Variants in AFF4 observed in about 807,000 individuals in gnomAD.
The protein encoded by AFF4 is AF4/FMR2 family member 4.
In AFF4, 13 loss-of-function variants were observed where a neutral mutation model predicts 124.8. The ratio of observed to expected loss-of-function variants is 0.10; its 90% confidence interval spans 0.07 to 0.17. The LOEUF (loss-of-function observed/expected upper bound fraction) is 0.17. Among genes scored for constraint, AFF4 ranks in the 10% least tolerant of loss-of-function variants. The pLI is 1.00. For synonymous variants in AFF4, 477 were observed against 496.1 expected (o/e 0.96, Z 0.51); for missense variants, 1,092 against 1,403.8 (o/e 0.78, Z 3.55).
intron 5 of AFF4, among the ~76,000 whole-genome samples, chr5:132,923,086 G>C (rs1356930397): frequency 6.6e-6 from 1 of 152,138 alleles, no homozygotes; most frequent in Non-Finnish European, 1.5e-5. Flanking sequence ...TGAGGCAGGA[G>C]AATCACTTGA....
intron 12 of AFF4, among the ~76,000 whole-genome samples, 194 bp downstream of exon 12, chr5:132,892,836 A>C (rs1279507716): frequency 1.3e-5 from 2 of 152,352 alleles, no homozygotes; most frequent in South Asian, 2.1e-4. Flanking sequence ...AGGAAGAACT[A>C]ATTAAATGTT....
chr5:132,905,340 C>G (rs1475917411), intron 5 of AFF4, among the ~76,000 whole-genome samples: 1 of 152,148 alleles, frequency 6.6e-6, no homozygotes, highest in Non-Finnish European at 1.5e-5. Context: ...CTATGCATTT[C>G]TCAAAATTAA....
At chr5:132,902,722 A>G (rs562771840) in intron 6 of AFF4, among the ~76,000 whole-genome samples, 25 of 152,348 alleles carry the variant, frequency 1.6e-4, no homozygotes, top group Admixed American at 5.2e-4. Context: ...TTGAAGGGCA[A>G]TCTGGTAATA....
chr5:132,901,060 TAAAC>T (rs1209858859), intron 7 of AFF4: 1 of 985,280 alleles, frequency 1.0e-6, no homozygotes, highest in African/African-American at 1.7e-5. Flanking sequence ...CTGGCCCAAT[TAAAC>T]AGAACAGGGA....
chr5:132,876,729 CTAAT>C lies in AFF4; in HGVS notation c.*4326_*4329del, dbSNP rs1376557650. The C allele has an allele frequency of 1.0e-5, 2 of 197,250 alleles. No individual in the cohort carries two copies. Among genetic ancestry groups the C allele is most frequent in the African/African-American group, 4.6e-5 (2 of 43,332 alleles). The allele number at this position is 197,250 out of a possible 1,614,324, so 12.2% of individuals were successfully genotyped here. On this transcript the variant is annotated 3_prime_UTR_variant, in exon 21 of 21. Coordinates refer to ENST00000265343, the MANE Select transcript of AFF4 (RefSeq NM_014423.4). Reference sequence around the variant, plus strand: ...CTTTTCTGGAGACAGCAAGTTCTTTCTAATTAACCATAGGGTTCATGTGAATAGG... The same window carrying C: ...CTTTTCTGGAGACAGCAAGTTCTTTCTAACCATAGGGTTCATGTGAATAGG...
intron 13 of AFF4, among the ~76,000 whole-genome samples, chr5:132,890,966 GAGC>G (rs1456919269): frequency 2.6e-5 from 4 of 151,578 alleles, no homozygotes; most frequent in African/African-American, 9.7e-5. Context: ...GAATCCAAAT[GAGC>G]AGGAGAGCTC....
intron 5 of AFF4, among the ~76,000 whole-genome samples, chr5:132,923,583 C>A (rs1234509923): frequency 1.3e-5 from 2 of 151,804 alleles, no homozygotes; most frequent in Admixed American, 1.3e-4. Context: ...GTAAGTCTGG[C>A]ATGGTGGTAA....
intron 4 of AFF4, among the ~76,000 whole-genome samples, chr5:132,931,925 C>CA (rs2150096460): frequency 6.6e-6 from 1 of 152,188 alleles, no homozygotes; most frequent in East Asian, 1.9e-4. Context: ...GGCTGGGCGA[C>CA]AGAGTGAGAC....
intron 1 of AFF4, among the ~76,000 whole-genome samples, chr5:132,954,039 T>C (rs942975207): frequency 2.0e-5 from 3 of 152,178 alleles, no homozygotes; most frequent in Non-Finnish European, 4.4e-5. Context: ...CCTCATCAGA[T>C]TAATCTCATA....
Position 132,896,346 on chromosome 5 carries a change from T to A in AFF4, c.2284A>T (p.Asn762Tyr). The A allele has an allele frequency of 6.3e-7, 1 of 1,596,494 alleles. No homozygotes were observed. The change falls in exon 11 of 21, where the codon AAC (asparagine) becomes TAC (tyrosine). Residue 762 changes from asparagine to tyrosine, a missense_variant. By Grantham distance (143) the Asn-to-Tyr change is moderately radical. Around this residue, in one of 11 missense-constraint regions of AFF4, gnomAD observed 293 missense variants for 280.2 expected, o/e 1.05. Transcript: ENST00000265343. ...AQKQASEKVS[N>Y]KGKRKHKNED... is the part of the protein sequence containing the mutation. ...ACCTTATGCTTCCTCTTGCCTTTGTTGGAAACTTTTTCTGAGGCTTGTTTC... is the reference window on the plus strand; with the variant it reads ...ACCTTATGCTTCCTCTTGCCTTTGTAGGAAACTTTTTCTGAGGCTTGTTTC...
At chr5:132,927,696 A>G (rs1761204846) in intron 4 of AFF4, 1 of 153,458 alleles carries the variant, frequency 6.5e-6, no homozygotes, top group Non-Finnish European at 1.5e-5. Context: ...CTGAAGCACA[A>G]AAGTTATTTA....
At chr5:132,898,144 C>T in intron 10 of AFF4, 86 bp downstream of exon 10, 1 of 1,494,364 alleles carries the variant, frequency 6.7e-7, no homozygotes, top group South Asian at 1.3e-5. Flanking sequence ...TTTCCTTCTC[C>T]TTTTATATTT....
At chr5:132,944,049 TGTGA>T (rs763185013) in intron 1 of AFF4, 3 of 152,692 alleles carry the variant, frequency 2.0e-5, no homozygotes, top group East Asian at 1.9e-4. Context: ...AAACAGTTGC[TGTGA>T]GTGTCATCAA....
At chr5:132,912,214 A>G (rs913744516) in intron 5 of AFF4, among the ~76,000 whole-genome samples, 9 of 150,332 alleles carry the variant, frequency 6.0e-5, no homozygotes, top group Non-Finnish European at 1.2e-4. Flanking sequence ...GCGTGGTGGC[A>G]GGCACTTGTA....
intron 11 of AFF4, among the ~76,000 whole-genome samples, chr5:132,894,944 C>T (rs1457795728): frequency 6.6e-6 from 1 of 151,958 alleles, no homozygotes; most frequent in African/African-American, 2.4e-5. Context: ...AGAGTAATAC[C>T]CTGTCTCTAA....
chr5:132,936,727 C>T (rs148521429), intron 2 of AFF4, among the ~76,000 whole-genome samples: 1 of 152,142 alleles, frequency 6.6e-6, no homozygotes. Flanking sequence ...CCAACTCAGA[C>T]CACATTTTTA....
intron 1 of AFF4, among the ~76,000 whole-genome samples, chr5:132,958,928 C>T (rs1762019505): frequency 6.6e-6 from 1 of 152,118 alleles, no homozygotes; most frequent in African/African-American, 2.4e-5. Flanking sequence ...ATTCCTCCTA[C>T]CCAACAACCT....
At chr5:132,920,596 C>G (rs1436523459) in intron 5 of AFF4, among the ~76,000 whole-genome samples, 1 of 152,022 alleles carries the variant, frequency 6.6e-6, no homozygotes, top group Non-Finnish European at 1.5e-5. Context: ...CTCAAGTGAT[C>G]TACCCACCTT....
intron 7 of AFF4, among the ~76,000 whole-genome samples, chr5:132,902,197 G>A (rs531553572): frequency 2.0e-5 from 3 of 152,104 alleles, no homozygotes; most frequent in African/African-American, 4.8e-5. Context: ...ACAGGCGCTC[G>A]CCACCACGCC....
Sources: allele counts gnomAD v4.1 joint callset (sites outside exome capture counted in the v4.1 genomes callset), GRCh38; gene constraint gnomAD v4.1.1; regional missense constraint gnomAD v4.1.1; transcripts MANE v1.5; gene names NCBI Gene and HGNC (gene_info 2026-07-23, HGNC 2026-07-21).